MRPL48: variants seen among roughly 807,000 people sequenced by gnomAD.
The protein encoded by MRPL48 is mitochondrial ribosomal protein L48.
A neutral mutation model predicts 32.9 loss-of-function variants in MRPL48; 16 were observed. The ratio of observed to expected loss-of-function variants is 0.49; its 90% CI spans 0.33 to 0.74. The LOEUF (loss-of-function observed/expected upper bound fraction) is 0.74. Ranked by LOEUF, MRPL48 falls within the 30% of genes least tolerant of loss-of-function variation. MRPL48 has a pLI of 0.02. For missense variants in MRPL48, 206 were observed against 245.3 expected (o/e 0.84, Z 1.07); for synonymous variants, 94 against 89.2 (o/e 1.05, Z -0.31).
At chr11:73,796,558 G>A (rs1947257089) in intron 1 of MRPL48, among the ~76,000 whole-genome samples, 1 of 152,232 alleles carries the variant, frequency 6.6e-6, no homozygotes, top group Non-Finnish European at 1.5e-5. Flanking sequence ...CACCTACAGG[G>A]CACTATGAAT....
At chr11:73,808,175 T>C in intron 2 of MRPL48, 138 bp from the exon 3 acceptor site, 1 of 857,652 alleles carries the variant, frequency 1.2e-6, no homozygotes, top group Non-Finnish European at 1.8e-6. Context: ...TTATTAAAGT[T>C]TGTGGAAGGA....
chr11:73,805,043 AC>A lies in MRPL48; in HGVS notation c.39del (p.Asn13LysfsTer12). ...TTGCTGTAGGTGCTGTGCCTGAGGA[AC>A]AATACCATTTTTAAGCAAGCCTTTT... ...GTLEKVLCLR[N>X]NTIFKQAFSL... On this transcript the variant is annotated frameshift_variant, in exon 2 of 8. Coordinates refer to ENST00000310614, the MANE Select transcript of MRPL48 (RefSeq NM_016055.6). LOFTEE classifies it high-confidence loss of function. 1 of 1,590,684 alleles carries A rather than the reference AC, an allele frequency of 6.3e-7. No homozygotes were observed.
In MRPL48 at chr11:73,788,943, G is replaced by A. The variant is rs1947099829; in HGVS notation, c.21+951G>A. ...CTGCTTAGATTAATGACTCATTTTA[G>A]CAATTTATATTAAAATTTTGTTTTA... On this transcript the variant is annotated intron_variant, in intron 1 of 7. Coordinates refer to ENST00000310614, the MANE Select transcript of MRPL48 (RefSeq NM_016055.6). 2.0e-5 allele frequency among the ~76,000 whole-genome samples: 3 copies of A among 152,066 alleles called. No homozygotes were observed. The South Asian group carries it at 6.2e-4, about 32-fold the overall frequency.
chr11:73,837,848 T>G (rs1050306322), intron 4 of MRPL48, among the ~76,000 whole-genome samples: 2 of 152,066 alleles, frequency 1.3e-5, no homozygotes, highest in African/African-American at 2.4e-5. Context: ...TGCACAGATT[T>G]ATTTATTTAT....
At chr11:73,858,966 A>C (rs1389254583) in intron 5 of MRPL48, among the ~76,000 whole-genome samples, 2 of 152,224 alleles carry the variant, frequency 1.3e-5, no homozygotes, top group Admixed American at 1.3e-4. Flanking sequence ...GATTTTAGTA[A>C]GCATAAACTC....
intron 4 of MRPL48, among the ~76,000 whole-genome samples, chr11:73,835,267 G>T (rs933660196): frequency 4.7e-5 from 7 of 150,192 alleles, no homozygotes; most frequent in Admixed American, 2.7e-4. Flanking sequence ...TCAGCCTCCT[G>T]AGTAGCTGGG....
At chr11:73,796,041 A>G (rs961626052) in intron 1 of MRPL48, among the ~76,000 whole-genome samples, 5 of 152,162 alleles carry the variant, frequency 3.3e-5, no homozygotes, top group African/African-American at 4.8e-5. Context: ...GGCCATCTGG[A>G]TTGGCCGCTG....
At chr11:73,806,604 G>T (rs898737215) in intron 2 of MRPL48, among the ~76,000 whole-genome samples, 2 of 152,040 alleles carry the variant, frequency 1.3e-5, no homozygotes, top group Admixed American at 6.6e-5. Flanking sequence ...TAAGCATCAT[G>T]GGGATACTGC....
intron 4 of MRPL48, among the ~76,000 whole-genome samples, chr11:73,826,774 C>CT (rs71065041): frequency 0.047 from 5,100 of 108,898 alleles, 139 homozygotes; most frequent in Non-Finnish European, 0.052. Flanking sequence ...ACTGTATTTT[C>CT]TTTTTTTTTT....
At chr11:73,812,732 A>G (rs1193158760) in intron 3 of MRPL48, among the ~76,000 whole-genome samples, 2 of 138,690 alleles carry the variant, frequency 1.4e-5, no homozygotes, top group Non-Finnish European at 3.1e-5. Context: ...ATATATATAT[A>G]TATATATATT....
At chr11:73,850,677 AAT>A in intron 5 of MRPL48, 1 of 217,438 alleles carries the variant, frequency 4.6e-6, no homozygotes. Context: ...TGGGCTATAC[AAT>A]TTTTTTTTTT....
chr11:73,859,875 CACTCA>C lies in MRPL48; in HGVS notation c.372-31_372-27del, dbSNP rs1359962443. On this transcript the variant is annotated intron_variant, in intron 5 of 7. Transcript: ENST00000310614. ...TGAAGTGGCTGCTGGCTTCAGTGAA[CACTCA>C]CTATAGCTGACTCTTCCTTCCCACA... 7 of 1,582,094 alleles carry C rather than the reference CACTCA, an allele frequency of 4.4e-6. No homozygotes were observed. The African/African-American group carries it at 9.4e-5, about 21-fold the overall frequency.
chr11:73,864,709 C>A lies in MRPL48; in HGVS notation c.*339C>A. 1 of 269,974 alleles carries A rather than the reference C, an allele frequency of 3.7e-6. No homozygotes were observed. The highest frequency in any genetic ancestry group is 4.6e-5 in the Admixed American group (1 of 21,834). The allele number at this position is 269,974 out of a possible 1,614,324, so 16.7% of individuals were successfully genotyped here. On this transcript the variant is annotated 3_prime_UTR_variant, in exon 8 of 8. Coordinates refer to ENST00000310614, the MANE Select transcript of MRPL48 (RefSeq NM_016055.6). Reference sequence around the variant, plus strand: ...CCGTGGTGCATCCCTGTAATCCCAGCACTTTGCGAGGCCGAGGCAGGAGGA... The same window carrying A: ...CCGTGGTGCATCCCTGTAATCCCAGAACTTTGCGAGGCCGAGGCAGGAGGA...
At chr11:73,823,010 C>T (rs1313190035) in intron 3 of MRPL48, 1 of 452,948 alleles carries the variant, frequency 2.2e-6, no homozygotes. Flanking sequence ...CCATCACCCC[C>T]AGATGGGACT....
At chr11:73,806,201 C>G (rs1347361768) in intron 2 of MRPL48, among the ~76,000 whole-genome samples, 1 of 152,088 alleles carries the variant, frequency 6.6e-6, no homozygotes, top group African/African-American at 2.4e-5. Flanking sequence ...TCCAAATTCT[C>G]CAGTGGTATC....
At chr11:73,825,651 AAAC>A (rs1947873651) in intron 3 of MRPL48, 54 bp from the exon 4 acceptor site, 1 of 1,473,820 alleles carries the variant, frequency 6.8e-7, no homozygotes, top group East Asian at 2.5e-5. Flanking sequence ...GTCTCTTAAA[AAAC>A]AACGATAATA....
intron 5 of MRPL48, among the ~76,000 whole-genome samples, chr11:73,853,469 T>A (rs2135073819): frequency 6.6e-6 from 1 of 152,182 alleles, no homozygotes; most frequent in East Asian, 1.9e-4. Flanking sequence ...TTATTAGCAA[T>A]ATGACCTTGG....
Position 73,844,825 on chromosome 11 carries a change from A to G in MRPL48, c.220A>G (p.Lys74Glu), listed in dbSNP as rs1001697852. ...KAEEPKKKKG[K>E]VEVRAINLGT... ...TCTTCAGCCCAAGAAGAAGAAGGGA[A>G]AAGTGGAAGTGAGAGCCATTAATTT... The change falls in exon 5 of 8, where the codon AAA (lysine) becomes GAA (glutamate). Residue 74 changes from lysine to glutamate, a missense_variant. Coordinates refer to ENST00000310614, the MANE Select transcript of MRPL48 (RefSeq NM_016055.6). 6.8e-6 allele frequency: 11 copies of G among 1,613,072 alleles called. No individual in the cohort carries two copies. Among genetic ancestry groups the G allele is most frequent in the Non-Finnish European group, 8.5e-6 (10 of 1,179,760 alleles).
At chr11:73,845,496 G>C (rs1948271920) in intron 5 of MRPL48, among the ~76,000 whole-genome samples, 1 of 152,172 alleles carries the variant, frequency 6.6e-6, no homozygotes, top group Non-Finnish European at 1.5e-5. Context: ...ACTCTAGCTG[G>C]GCGCAGTGGC....
Sources: gnomAD v4.1 joint callset for allele counts (sites outside exome capture counted in the v4.1 genomes callset) on GRCh38, gnomAD v4.1.1 for gene constraint, MANE v1.5 for transcripts, NCBI Gene and HGNC (gene_info 2026-07-23, HGNC 2026-07-21) for gene names.